MED17: variants seen among roughly 807,000 people sequenced by gnomAD.
MED17 encodes the protein mediator of RNA polymerase II transcription subunit 17.
Under a neutral mutation model 80.8 loss-of-function variants are expected in MED17, and 49 were observed. The observed-to-expected ratio is 0.61, with a 90% CI of 0.48 to 0.77. MED17 has a LOEUF of 0.77. Among genes scored for constraint, MED17 ranks in the 30% least tolerant of loss-of-function variants. MED17 has a pLI of 0.00. For synonymous variants in MED17, 281 were observed against 280.4 expected, an observed-to-expected ratio of 1.00 and a Z score of -0.02; for missense variants, 718 against 787.0, an observed-to-expected ratio of 0.91 and a Z score of 1.05.
chr11:93,788,830 C>T (rs1336399827), intron 2 of MED17: 1 of 152,126 alleles, frequency 6.6e-6, no homozygotes, highest in Non-Finnish European at 1.5e-5. Context: ...CGAATCCTGC[C>T]TCTGCCTTCA....
In MED17 at chr11:93,785,007, G is replaced by T. The variant is rs1159214468; in HGVS notation, c.250+244G>T. 6.6e-6 allele frequency: 4 copies of T among 607,970 alleles called. No individual in the cohort carries two copies. The East Asian group carries it at 8.5e-5, about 13-fold the overall frequency. 37.7% of individuals were successfully genotyped at this position (607,970 alleles called of 1,614,324 possible). On this transcript the variant is annotated intron_variant, in intron 1 of 11. Transcript: ENST00000251871. ...GCGTTTAGAGACACTGTCAAACCGT[G>T]AAATGTTTAAATGAATGCTTCTCTG...
rs548231700 is a variant in MED17, at chr11:93,811,856, G to T, written c.1748G>T (p.Arg583Leu). The T allele has an allele frequency of 1.4e-5, 22 of 1,613,936 alleles. No homozygotes were observed. Among genetic ancestry groups the T allele is most frequent in the African/African-American group, 5.3e-5 (4 of 74,918 alleles). ...SPSGDYAISV[R>L]NGPESGSKIM... ...ATATTTTGGTTTTTCTCCACAGTTC[G>T]TAATGGACCTGAAAGTGGCAGCAAG... Residue 583 changes from arginine (R) to leucine (L), a missense_variant, in exon 12 of 12, where the codon CGT becomes CTT. Physicochemically the swap from Arg to Leu is moderately radical, Grantham distance 102. Transcript: ENST00000251871.
chr11:93,801,890 G>C lies in MED17; in HGVS notation c.1384G>C (p.Ala462Pro), dbSNP rs775435998. ...CCGAATTGAGGATCCTCAGATACAG[G>C]CTCATTGGTCAAATATCAATGATGT... The part of the protein sequence containing the change: ...ASRIEDPQIQ[A>P]HWSNINDVYE... The change falls in exon 9 of 12, where the codon GCT becomes CCT. Residue 462 changes from alanine (A) to proline (P), a missense_variant. Transcript: ENST00000251871. 5.6e-6 allele frequency: 9 copies of C among 1,612,744 alleles called. No individual in the cohort carries two copies. In the South Asian group the frequency reaches 9.9e-5, roughly 18 times the overall value.
rs776884086 is a variant in MED17, at chr11:93,801,866, C to T, written c.1360C>T (p.Arg454Ter). The T allele has an allele frequency of 4.3e-6, 7 of 1,613,106 alleles. No homozygotes were observed. The highest frequency in any genetic ancestry group is 1.1e-5 in the South Asian group (1 of 91,040). Residue 454 changes from arginine to a stop codon, truncating the protein, a stop_gained, in exon 9 of 12, where the codon CGA (arginine) becomes TGA (stop). Coordinates refer to ENST00000251871, the MANE Select transcript of MED17 (RefSeq NM_004268.5). LOFTEE classifies it high-confidence loss of function. ...TGCAACCATTGACAGCTTAGCAAGC[C>T]GAATTGAGGATCCTCAGATACAGGC... is the stretch of plus-strand genomic sequence containing the variant. ...AAATIDSLAS[R>*]IEDPQIQAHW...
At position 93,806,914 on chromosome 11, in the gene MED17, C is replaced by A. The variant is rs72978407; in HGVS notation, c.1467-604C>A. On this transcript the variant is annotated intron_variant, in intron 9 of 11. Coordinates refer to ENST00000251871, the MANE Select transcript of MED17 (RefSeq NM_004268.5). ...TGTTAGGGCAGGGCCCACATATACC[C>A]AATTGGATCTCATCTCCTTGCAACA... is the stretch of plus-strand genomic sequence containing the variant. 585 of 152,598 alleles carry A rather than the reference C, an allele frequency of 3.8e-3. 1 individual carries two copies. The highest frequency in any genetic ancestry group is 5.0e-3 in the Non-Finnish European group (344 of 68,298). 9.5% of individuals were successfully genotyped at this position (152,598 alleles called of 1,614,324 possible). A position where few individuals can be genotyped will look rare whatever the true frequency, so the allele number is the denominator to read the frequency against.
chr11:93,796,172 C>G, intron 6 of MED17: 1 of 454,466 alleles, frequency 2.2e-6, no homozygotes, highest in Non-Finnish European at 4.1e-6. Context: ...AGGATGGTCT[C>G]AATCCCCTGA....
At chr11:93,802,278 AT>A (rs953807049) in intron 9 of MED17, among the ~76,000 whole-genome samples, 1 of 151,832 alleles carries the variant, frequency 6.6e-6, no homozygotes, top group East Asian at 1.9e-4. Context: ...AATTAAAAAA[AT>A]TTTTTTTAAG....
chr11:93,794,307 C>T (rs1227852399), intron 5 of MED17: 19 of 334,374 alleles, frequency 5.7e-5, no homozygotes. Context: ...CAGGTTCAAG[C>T]GATTCTCCTG....
At chr11:93,787,911 CT>C in intron 1 of MED17, 89 bp from the exon 2 acceptor site, 1 of 1,049,022 alleles carries the variant, frequency 9.5e-7, no homozygotes, top group Non-Finnish European at 1.5e-6. Flanking sequence ...ATTATTTCTC[CT>C]TTTAGTACTT....
At chr11:93,806,241 G>T (rs2135720695) in intron 9 of MED17, 1 of 152,202 alleles carries the variant, frequency 6.6e-6, no homozygotes, top group Middle Eastern at 3.4e-3. Context: ...AAAGTGCTGG[G>T]ATTACAGGCG....
At chr11:93,809,009 C>G (rs1469392083) in intron 10 of MED17, 1 of 154,306 alleles carries the variant, frequency 6.5e-6, no homozygotes, top group Non-Finnish European at 1.4e-5. Context: ...ATCTAAAGAT[C>G]TATTTACAAA....
chr11:93,795,834 A>G (rs1401971708), intron 6 of MED17: 2 of 155,284 alleles, frequency 1.3e-5, no homozygotes, highest in Admixed American at 6.3e-5. Flanking sequence ...GGAAAAAACA[A>G]ATTAATATAT....
intron 1 of MED17, among the ~76,000 whole-genome samples, chr11:93,785,837 C>T (rs1198676736): frequency 7.2e-5 from 11 of 152,098 alleles, no homozygotes; most frequent in Non-Finnish European, 1.5e-5. Context: ...GAGCTCCTGC[C>T]TCTACAAATT....
Position 93,797,581 on chromosome 11 carries a change from G to C in MED17, c.1190G>C (p.Ser397Thr), listed in dbSNP as rs566018883. The change falls in exon 8 of 12, where the codon AGT (serine) becomes ACT (threonine). Residue 397 changes from serine to threonine, a missense_variant. Transcript: ENST00000251871. ...TCCATCATGATGCCTCATCCAGCAA[G>C]TGCACCTTTTGGCCACAAGAGAATG... Reference protein sequence around the residue: ...LSSIMMPHPASAPFGHKRMRL... With the variant: ...LSSIMMPHPATAPFGHKRMRL... 5 of 1,613,992 alleles carry C rather than the reference G, an allele frequency of 3.1e-6. No homozygotes were observed. Among genetic ancestry groups the C allele is most frequent in the Non-Finnish European group, 3.4e-6 (4 of 1,180,024 alleles).
At chr11:93,800,767 G>T (rs1591387976) in intron 8 of MED17, 1 of 152,072 alleles carries the variant, frequency 6.6e-6, no homozygotes, top group African/African-American at 2.4e-5. Flanking sequence ...CTTTTGAGTA[G>T]CAGGGACTAC....
In MED17 at chr11:93,809,837, A is replaced by G. The variant is rs540420410; in HGVS notation, c.1705A>G (p.Ile569Val). The G allele has an allele frequency of 2.6e-5, 42 of 1,614,166 alleles. No homozygotes were observed. The highest frequency in any genetic ancestry group is 3.3e-5 in the South Asian group (3 of 91,080). The change falls in exon 11 of 12, where the codon ATC becomes GTC. Residue 569 changes from isoleucine (I) to valine (V), a missense_variant. By Grantham distance (29) the Ile-to-Val change is conservative (BLOSUM62 3). Transcript: ENST00000251871. ...PIESIGNASA[I>V]TVASPSGDYA... ...AGAGAGCATTGGTAATGCATCTGCC[A>G]TCACGGTGGCCTCCCCAAGTGGTGA...
At chr11:93,794,248 A>G in intron 5 of MED17, 2 of 405,928 alleles carry the variant, frequency 4.9e-6, no homozygotes, top group Admixed American at 4.2e-5. Flanking sequence ...CTTGTTGCCC[A>G]GGCTAGAGTG....
chr11:93,809,845 G>A lies in MED17; in HGVS notation c.1713G>A (p.Val571=), dbSNP rs1944068483. Reference sequence around the variant, plus strand: ...TTGGTAATGCATCTGCCATCACGGTGGCCTCCCCAAGTGGTGACTATGCTA... The same window carrying A: ...TTGGTAATGCATCTGCCATCACGGTAGCCTCCCCAAGTGGTGACTATGCTA... ...ESIGNASAIT[V]ASPSGDYAIS... The change falls in exon 11 of 12, where the codon GTG becomes GTA. Residue 571 remains valine, a synonymous_variant. Transcript: ENST00000251871. 3.1e-6 allele frequency: 5 copies of A among 1,614,006 alleles called. No individual in the cohort carries two copies. Among genetic ancestry groups the A allele is most frequent in the Non-Finnish European group, 4.2e-6 (5 of 1,180,034 alleles).
chr11:93,788,717 T>G (rs1299738937), intron 2 of MED17: 4 of 151,316 alleles, frequency 2.6e-5, no homozygotes, highest in African/African-American at 9.8e-5. Flanking sequence ...ACTTTAAAGG[T>G]TACCAAATCT....
Sources: allele counts gnomAD v4.1 joint callset (sites outside exome capture counted in the v4.1 genomes callset), GRCh38; gene constraint gnomAD v4.1.1; transcripts MANE v1.5; gene names NCBI Gene and HGNC (gene_info 2026-07-23, HGNC 2026-07-21).